BPTF: variants seen among roughly 807,000 people sequenced by gnomAD.
BPTF encodes nucleosome-remodeling factor subunit BPTF.
BPTF carries 18 observed loss-of-function variants against 292.5 expected under a neutral mutation model. The observed-to-expected ratio is 0.06, with a 90% CI of 0.04 to 0.09. The LOEUF is 0.09. Ranked by LOEUF, BPTF falls within the 10% of genes least tolerant of loss-of-function variation. BPTF has a pLI of 1.00. For missense variants in BPTF, 2,726 were observed against 3,498.7 expected, an observed-to-expected ratio of 0.78 and a Z score of 5.57; for synonymous variants, 1,225 against 1,251.9, an observed-to-expected ratio of 0.98 and a Z score of 0.45.
intron 1 of BPTF, among the ~76,000 whole-genome samples, chr17:67,853,718 A>AT (rs1731319779): frequency 1.3e-5 from 2 of 151,984 alleles, no homozygotes; most frequent in Non-Finnish European, 2.9e-5. Flanking sequence ...ATAATTTATA[A>AT]TTTTTTTACT....
intron 27 of BPTF, among the ~76,000 whole-genome samples, chr17:67,981,134 G>C (rs1166673319): frequency 1.3e-5 from 2 of 152,190 alleles, no homozygotes; most frequent in Non-Finnish European, 2.9e-5. Context: ...ACTCCAGACT[G>C]TGCTACAGAG....
chr17:67,967,064 C>T (rs2068190467), intron 26 of BPTF, among the ~76,000 whole-genome samples: 1 of 151,176 alleles, frequency 6.6e-6, no homozygotes, highest in Non-Finnish European at 1.5e-5. Flanking sequence ...CGCGCCACTG[C>T]ACTCTAACCT....
chr17:67,853,561 T>C (rs76623333), intron 1 of BPTF, among the ~76,000 whole-genome samples: 7,256 of 152,226 alleles, frequency 0.048, 221 homozygotes, highest in South Asian at 0.11. Context: ...TTTTCTCATT[T>C]ATATTCTTGT....
intron 7 of BPTF, among the ~76,000 whole-genome samples, chr17:67,899,326 A>G (rs1174570277): frequency 2.6e-5 from 4 of 152,120 alleles, no homozygotes; most frequent in South Asian, 4.1e-4. Flanking sequence ...GTCACGCCAG[A>G]TACCTTGATT....
At chr17:67,958,352 A>C (rs1555681925) in intron 23 of BPTF, among the ~76,000 whole-genome samples, 1 of 152,088 alleles carries the variant, frequency 6.6e-6, no homozygotes, top group Non-Finnish European at 1.5e-5. Context: ...AACAGAGTAC[A>C]GTAAAGAAGC....
chr17:67,923,155 G>A (rs541746925), intron 14 of BPTF, among the ~76,000 whole-genome samples, 165 bp downstream of exon 14: 19 of 148,398 alleles, frequency 1.3e-4, no homozygotes, highest in African/African-American at 2.5e-4. Context: ...TCCCAGGCTC[G>A]AGTGATCCTC....
At chr17:67,872,746 A>C (rs2059820997) in intron 3 of BPTF, among the ~76,000 whole-genome samples, 1 of 152,200 alleles carries the variant, frequency 6.6e-6, no homozygotes, top group East Asian at 1.9e-4. Flanking sequence ...CTGTGCCTCT[A>C]AGAAAAACAG....
chr17:67,886,331 C>A (rs534953735), intron 4 of BPTF: 17 of 1,520,682 alleles, frequency 1.1e-5, no homozygotes, highest in Non-Finnish European at 1.5e-5. Flanking sequence ...GAATATACTT[C>A]ATCCATTCCT....
At chr17:67,881,523 A>G (rs1329549691) in intron 4 of BPTF, among the ~76,000 whole-genome samples, 4 of 136,252 alleles carry the variant, frequency 2.9e-5, no homozygotes, top group Non-Finnish European at 4.6e-5. Flanking sequence ...TTTTTGAGAG[A>G]CAGAGTCTCG....
rs1319025248 is a variant in BPTF at position 67,919,921 on chromosome 17, C to T, written c.5429-94C>T. 3.2e-6 allele frequency: 4 copies of T among 1,247,954 alleles called. No homozygotes were observed. In the African/African-American group the frequency reaches 4.5e-5, roughly 14 times the overall value. The allele number at this position is 1,247,954 out of a possible 1,614,324, so 77.3% of individuals were successfully genotyped here. ...AGTCAGGTGTTTCCAAAAGTTTATT[C>T]CACGTGTGTCTCTTTTTGAAAGCAC... On this transcript the variant is annotated intron_variant, in intron 12 of 27. Transcript: ENST00000306378.
intron 4 of BPTF, 98 bp from the exon 5 acceptor site, chr17:67,891,746 A>T: frequency 6.0e-6 from 5 of 837,120 alleles, no homozygotes; most frequent in Non-Finnish European, 8.6e-6. Flanking sequence ...TACTTTGTGG[A>T]TCTTACACAT....
In BPTF at chr17:67,940,487, C is replaced by G; in HGVS notation, c.6308C>G (p.Ser2103Cys). The change falls in exon 19 of 28, where the codon TCC becomes TGC. Residue 2103 changes from serine (S) to cysteine (C), a missense_variant. Around this residue, in one of 22 missense-constraint regions of BPTF, gnomAD observed 570 missense variants for 633.5 expected, o/e 0.90. Transcript: ENST00000306378. ...MTQIIRGQPV[S>C]TAVSAPNTVS... ...CAAATCATCAGGGGGCAGCCTGTCT[C>G]CACTGCAGTCTCCGCCCCTAACACG... The G allele has an allele frequency of 6.2e-7, 1 of 1,614,138 alleles. No individual in the cohort carries two copies. Among genetic ancestry groups the G allele is most frequent in the East Asian group, 2.2e-5 (1 of 44,890 alleles).
At chr17:67,920,321 A>G (rs940317482) in intron 13 of BPTF, among the ~76,000 whole-genome samples, 178 bp downstream of exon 13, 4 of 152,212 alleles carry the variant, frequency 2.6e-5, no homozygotes, top group African/African-American at 9.6e-5. Flanking sequence ...GTAGACACAC[A>G]TCGATGCCTA....
At chr17:67,931,007 C>T (rs1330903882) in intron 17 of BPTF, among the ~76,000 whole-genome samples, 1 of 151,284 alleles carries the variant, frequency 6.6e-6, no homozygotes, top group African/African-American at 2.4e-5. Flanking sequence ...TGGCTCACAC[C>T]TGTAATCCCA....
intron 1 of BPTF, among the ~76,000 whole-genome samples, chr17:67,850,109 A>G (rs2058300991): frequency 6.6e-6 from 1 of 152,210 alleles, no homozygotes; most frequent in South Asian, 2.1e-4. Context: ...ATGCAAGGAT[A>G]TCATTTTCTT....
intron 23 of BPTF, among the ~76,000 whole-genome samples, chr17:67,958,765 A>G (rs8081067): frequency 0.9 from 136,919 of 151,966 alleles, 63,497 homozygotes; most frequent in East Asian, 1. Context: ...AGGAGTTTGC[A>G]ACCAGCCTGG....
Position 67,912,669 on chromosome 17 carries a change from G to A in BPTF, c.4785G>A (p.Val1595=). 1 of 1,614,020 alleles carries A rather than the reference G, an allele frequency of 6.2e-7. No individual in the cohort carries two copies. The highest frequency in any genetic ancestry group is 8.5e-7 in the Non-Finnish European group (1 of 1,180,006). The change falls in exon 11 of 28, where the codon GTG becomes GTA. Residue 1595 remains valine, a synonymous_variant. Transcript: ENST00000306378. ...AAGTCACCACGATGACCTCCACAGT[G>A]GCCACAGAATCAAAAACTGTGATCA... ...ITEVTTMTST[V]ATESKTVIKV...
At chr17:67,871,948 C>T (rs576473697) in intron 3 of BPTF, among the ~76,000 whole-genome samples, 1 of 152,268 alleles carries the variant, frequency 6.6e-6, no homozygotes, top group South Asian at 2.1e-4. Context: ...GTCTCAGCCT[C>T]CCAGGTAGCT....
chr17:67,941,934 A>G (rs1341204012), intron 19 of BPTF, among the ~76,000 whole-genome samples: 2 of 152,232 alleles, frequency 1.3e-5, no homozygotes, highest in Non-Finnish European at 2.9e-5. Context: ...ACCAAGGACT[A>G]TTACATATCC....
Sources: allele counts gnomAD v4.1 joint callset (sites outside exome capture counted in the v4.1 genomes callset), GRCh38; gene constraint gnomAD v4.1.1; regional missense constraint gnomAD v4.1.1; transcripts MANE v1.5; gene names NCBI Gene and HGNC (gene_info 2026-07-23, HGNC 2026-07-21).